The following COL11A1 variants were observed in gnomAD, a reference collection of about 807,000 sequenced individuals.
The protein encoded by COL11A1 is collagen alpha-1(XI) chain.
Under a neutral mutation model 265.2 loss-of-function variants are expected in COL11A1, and 74 were observed. The observed-to-expected ratio is 0.28, with a 90% CI of 0.23 to 0.34. COL11A1 has a LOEUF of 0.34. Ranked by LOEUF, COL11A1 falls within the 10% of genes least tolerant of loss-of-function variation. The probability of loss-of-function intolerance (pLI) is 1.00; values close to 1 mark genes in which losing one functional copy is unlikely to be tolerated. For missense variants in COL11A1, 2,165 were observed against 2,263.6 expected, an observed-to-expected ratio of 0.96 and a Z score of 0.88; for synonymous variants, 816 against 727.6, an observed-to-expected ratio of 1.12 and a Z score of -1.96.
rs950056550 is a variant in COL11A1, at chr1:102,877,018, T to C, written c.*1001A>G. 6.6e-6 allele frequency: 1 copy of C among 152,568 alleles called. No individual in the cohort carries two copies. The highest frequency in any genetic ancestry group is 2.4e-5 in the African/African-American group (1 of 41,450). 9.5% of individuals were successfully genotyped at this position (152,568 alleles called of 1,614,324 possible). A position where few individuals can be genotyped will look rare whatever the true frequency, so the allele number is the denominator to read the frequency against. ...ACTTGATTGATAAGAAAATCTAACATTGCACAAATTCATAAATAATTGCTT... is the reference window on the plus strand; with the variant it reads ...ACTTGATTGATAAGAAAATCTAACACTGCACAAATTCATAAATAATTGCTT... On this transcript the variant is annotated 3_prime_UTR_variant, in exon 67 of 67. Coordinates refer to ENST00000370096, the MANE Select transcript of COL11A1 (RefSeq NM_001854.4).
intron 66 of COL11A1, among the ~76,000 whole-genome samples, 182 bp downstream of exon 66, chr1:102,879,501 C>CTG (rs1649958902): frequency 6.6e-6 from 1 of 152,112 alleles, no homozygotes; most frequent in Non-Finnish European, 1.5e-5. Flanking sequence ...ATGTGCATAA[C>CTG]TGTGTGTGTG....
chr1:102,955,106 T>C (rs973231654), intron 41 of COL11A1, among the ~76,000 whole-genome samples: 2 of 152,162 alleles, frequency 1.3e-5, no homozygotes, highest in East Asian at 3.9e-4. Context: ...TCTACCTGGG[T>C]CACAATGGAG....
At chr1:103,027,415 A>G (rs1667621068) in intron 5 of COL11A1, among the ~76,000 whole-genome samples, 1 of 99,282 alleles carries the variant, frequency 1.0e-5, no homozygotes, top group Non-Finnish European at 1.9e-5. Context: ...ATATATATAT[A>G]TATATATATA....
In COL11A1 at chr1:103,107,272, C is replaced by CA. The variant is rs1558063545; in HGVS notation, c.106+800dup. Among the ~76,000 whole-genome samples the CA allele has an allele frequency of 4.0e-5, 6 of 151,320 alleles. No homozygotes were observed. In the South Asian group the frequency reaches 1.3e-3, roughly 32 times the overall value. On this transcript the variant is annotated intron_variant, in intron 1 of 66. Coordinates refer to ENST00000370096, the MANE Select transcript of COL11A1 (RefSeq NM_001854.4). ...TACCTCTCTCCTCCCACCCTACCCACACCCCCTCCCCTTCCCTCCCAATCC... is the reference window on the plus strand; with the variant it reads ...TACCTCTCTCCTCCCACCCTACCCACAACCCCCTCCCCTTCCCTCCCAATCC...
intron 2 of COL11A1, among the ~76,000 whole-genome samples, chr1:103,079,077 C>G (rs968006852): frequency 6.6e-6 from 1 of 152,080 alleles, no homozygotes; most frequent in Non-Finnish European, 1.5e-5. Context: ...TTTAAAGACA[C>G]TCACTTAAAG....
At chr1:103,013,726 A>G (rs577922578) in intron 13 of COL11A1, among the ~76,000 whole-genome samples, 19 of 152,028 alleles carry the variant, frequency 1.2e-4, no homozygotes, top group South Asian at 2.1e-4. Context: ...TTTATCACAG[A>G]AGTGATTTAT....
chr1:102,952,972 T>C (rs557704467), intron 41 of COL11A1, among the ~76,000 whole-genome samples: 2 of 152,210 alleles, frequency 1.3e-5, no homozygotes, highest in Non-Finnish European at 2.9e-5. Context: ...TCAACACTAA[T>C]GAGAATCTAT....
intron 28 of COL11A1, among the ~76,000 whole-genome samples, chr1:102,990,332 G>A (rs1664011520): frequency 1.1e-5 from 1 of 89,074 alleles, no homozygotes; most frequent in African/African-American, 2.8e-5. Flanking sequence ...ATTTTATATT[G>A]TATTTTTTTT....
Position 102,970,271 on chromosome 1 carries a change from C to G in COL11A1, c.2810G>C (p.Gly937Ala). 6.2e-7 allele frequency: 1 copy of G among 1,610,024 alleles called. No individual in the cohort carries two copies. Among genetic ancestry groups the G allele is most frequent in the South Asian group, 1.1e-5 (1 of 90,624 alleles). ...TGGCAGCCCATCCTTCCCAGGTGGTCCCTGAAATTACAAATATTAAATACC... is the reference window on the plus strand; with the variant it reads ...TGGCAGCCCATCCTTCCCAGGTGGTGCCTGAAATTACAAATATTAAATACC... ...VGFPGPKGPPGPPGKDGLPGH... is the reference protein window; with the variant it reads ...VGFPGPKGPPAPPGKDGLPGH... Residue 937 changes from glycine to alanine, a missense_variant and splice_region_variant, in exon 37 of 67, where the codon GGA becomes GCA. Coordinates refer to ENST00000370096, the MANE Select transcript of COL11A1 (RefSeq NM_001854.4).
At chr1:102,999,371 T>C (rs149912767) in intron 24 of COL11A1, among the ~76,000 whole-genome samples, 55 of 152,054 alleles carry the variant, frequency 3.6e-4, no homozygotes, top group African/African-American at 1.3e-3. Flanking sequence ...CTGGATGAAC[T>C]TAGGTTCCTA....
At chr1:103,001,898 C>T (rs780896806) in intron 24 of COL11A1, 27 bp downstream of exon 24, 3 of 1,609,768 alleles carry the variant, frequency 1.9e-6, no homozygotes, top group Non-Finnish European at 1.7e-6. Context: ...GTTCACCAGG[C>T]TTTACGAGAA....
At position 102,890,502 on chromosome 1, in the gene COL11A1, T is replaced by A. The variant is rs1193633783; in HGVS notation, c.4305A>T (p.Gly1435=). 6.3e-7 allele frequency: 1 copy of A among 1,596,920 alleles called. No homozygotes were observed. The stretch of plus-strand genomic sequence containing the variant: ...CTTTGAGACCAGGTAAGCCAGGAGG[T>A]CCCTAAATAATAACAAAAAAAAAAC... ...AGQDGPPGPM[G]PPGLPGLKGD... is the part of the protein sequence containing the mutation. The change falls in exon 58 of 67, where the codon GGA becomes GGT. Residue 1435 remains glycine, a splice_region_variant and synonymous_variant. Coordinates refer to ENST00000370096, the MANE Select transcript of COL11A1 (RefSeq NM_001854.4).
At chr1:102,918,039 A>G (rs1425054592) in intron 49 of COL11A1, among the ~76,000 whole-genome samples, 2 of 151,508 alleles carry the variant, frequency 1.3e-5, no homozygotes, top group Non-Finnish European at 3.0e-5. Flanking sequence ...AAATCAATAA[A>G]TCATTGCAAC....
intron 14 of COL11A1, among the ~76,000 whole-genome samples, chr1:103,009,275 A>G (rs756020007): frequency 1.3e-5 from 2 of 152,190 alleles, no homozygotes; most frequent in South Asian, 2.1e-4. Flanking sequence ...TTGGCTGGGC[A>G]TGGCATCGGG....
Position 102,877,927 on chromosome 1 carries a change from C to G in COL11A1, c.*92G>C. 7.5e-7 allele frequency: 1 copy of G among 1,337,820 alleles called. No individual in the cohort carries two copies. The allele number at this position is 1,337,820 out of a possible 1,614,324, so 82.9% of individuals were successfully genotyped here. ...TGTATATGCAGCGTTGTTTTCTATA[C>G]CATCCTTATTCAAAACTTGCATGTG... On this transcript the variant is annotated 3_prime_UTR_variant, in exon 67 of 67. Transcript: ENST00000370096.
chr1:102,999,738 A>T (rs1220093055), intron 24 of COL11A1, among the ~76,000 whole-genome samples: 5 of 151,892 alleles, frequency 3.3e-5, no homozygotes, highest in Non-Finnish European at 7.4e-5. Context: ...TTAAAATGTT[A>T]AATTATACCA....
At chr1:102,979,154 G>A (rs1032220585) in intron 32 of COL11A1, 50 bp from the exon 33 acceptor site, 7 of 1,544,342 alleles carry the variant, frequency 4.5e-6, no homozygotes, top group Non-Finnish European at 6.3e-6. Context: ...AGTAAATTAT[G>A]AGCCTGGTGC....
At chr1:103,106,748 C>T (rs72987894) in intron 1 of COL11A1, among the ~76,000 whole-genome samples, 3,281 of 152,188 alleles carry the variant, frequency 0.022, 119 homozygotes, top group African/African-American at 0.075. Context: ...AATAATCTAG[C>T]GCTGCCTGCT....
intron 42 of COL11A1, among the ~76,000 whole-genome samples, chr1:102,944,654 T>C (rs1339036368): frequency 6.6e-6 from 1 of 152,178 alleles, no homozygotes; most frequent in Non-Finnish European, 1.5e-5. Flanking sequence ...TCAATGTTTT[T>C]TGATATTCTG....
Sources: allele counts gnomAD v4.1 joint callset (sites outside exome capture counted in the v4.1 genomes callset), GRCh38; gene constraint gnomAD v4.1.1; transcripts MANE v1.5; gene names NCBI Gene and HGNC (gene_info 2026-07-23, HGNC 2026-07-21).